Variants in UNC79 observed in about 807,000 individuals in gnomAD.
The protein encoded by UNC79 is unc-79 subunit of NALCN channel complex.
A neutral mutation model predicts 283.1 loss-of-function variants in UNC79; 37 were observed. The ratio of observed to expected loss-of-function variants is 0.13; its 90% confidence interval spans 0.10 to 0.17. The LOEUF (loss-of-function observed/expected upper bound fraction) is 0.17, where lower values mean the gene tolerates loss of function less well. Ranked by LOEUF, UNC79 falls within the 10% of genes least tolerant of loss-of-function variation. The pLI is 1.00. For missense variants in UNC79, 2,272 were observed against 3,211.1 expected (o/e 0.71, Z 7.07); for synonymous variants, 1,107 against 1,200.2 (o/e 0.92, Z 1.61).
In UNC79 at chr14:93,505,777, A is replaced by G. The variant is rs1157399979; in HGVS notation, c.898+8491A>G. Reference sequence around the variant, plus strand: ...ACTAAGTATATTTAAATATTTCATCACCCCATCTTTGGCTTTGTAAGTTAT... The same window carrying G: ...ACTAAGTATATTTAAATATTTCATCGCCCCATCTTTGGCTTTGTAAGTTAT... On this transcript the variant is annotated intron_variant, in intron 7 of 48. Transcript: ENST00000555664. Among the ~76,000 whole-genome samples the G allele has an allele frequency of 2.0e-5, 3 of 148,336 alleles. No individual in the cohort carries two copies. The East Asian group carries it at 5.9e-4, about 29-fold the overall frequency.
At chr14:93,350,651 G>C (rs933407458) in intron 1 of UNC79, among the ~76,000 whole-genome samples, 2 of 152,108 alleles carry the variant, frequency 1.3e-5, no homozygotes, top group South Asian at 2.1e-4. Flanking sequence ...TTTGCTTTTA[G>C]GGAAATTACA....
chr14:93,510,680 T>G (rs1460389172), intron 7 of UNC79, among the ~76,000 whole-genome samples: 3 of 152,306 alleles, frequency 2.0e-5, no homozygotes, highest in South Asian at 2.1e-4. Flanking sequence ...GTTCCTCATC[T>G]CCATCGGAGA....
intron 1 of UNC79, among the ~76,000 whole-genome samples, chr14:93,391,312 A>T (rs2140007564): frequency 6.6e-6 from 1 of 152,360 alleles, no homozygotes; most frequent in Middle Eastern, 3.4e-3. Context: ...TTTATCTCAT[A>T]TCACAGCCAG....
chr14:93,667,209 AAAGG>A (rs1347118360), intron 40 of UNC79, among the ~76,000 whole-genome samples: 5 of 149,328 alleles, frequency 3.3e-5, no homozygotes, highest in African/African-American at 1.3e-4. Context: ...AAGGAAGGAC[AAAGG>A]AAGGAACAAA....
chr14:93,515,264 A>ATGTGTGTGTGTGTG (rs3060596), intron 7 of UNC79, among the ~76,000 whole-genome samples: 1 of 149,660 alleles, frequency 6.7e-6, no homozygotes, highest in East Asian at 2.0e-4. Context: ...CCATATGTAT[A>ATGTGTGTGTGTGTG]TGTGTGTGTG....
At chr14:93,650,225 G>A (rs992179277) in intron 35 of UNC79, among the ~76,000 whole-genome samples, 2 of 152,008 alleles carry the variant, frequency 1.3e-5, no homozygotes, top group African/African-American at 4.8e-5. Context: ...GGACTTCTAG[G>A]TTTTTTCAGT....
chr14:93,487,472 C>T (rs139539476), intron 4 of UNC79, among the ~76,000 whole-genome samples, 191 bp from the exon 5 acceptor site: 74 of 152,246 alleles, frequency 4.9e-4, no homozygotes, highest in African/African-American at 1.6e-3. Context: ...ACTCAATTTT[C>T]CTATGGAGAT....
chr14:93,604,387 A>G (rs1391445505), intron 26 of UNC79, among the ~76,000 whole-genome samples: 1 of 152,212 alleles, frequency 6.6e-6, no homozygotes, highest in Non-Finnish European at 1.5e-5. Flanking sequence ...CTATTTTATG[A>G]CAAGCTATGG....
At chr14:93,481,982 G>A (rs1203027070) in intron 4 of UNC79, among the ~76,000 whole-genome samples, 1 of 152,160 alleles carries the variant, frequency 6.6e-6, no homozygotes, top group Non-Finnish European at 1.5e-5. Context: ...TTCCTTAGCT[G>A]TAAAATGGTG....
chr14:93,467,103 C>T (rs2057224798), intron 1 of UNC79, among the ~76,000 whole-genome samples: 1 of 152,170 alleles, frequency 6.6e-6, no homozygotes, highest in Non-Finnish European at 1.5e-5. Flanking sequence ...CTACTCTTAA[C>T]ATATTCTCAC....
chr14:93,602,806 A>G (rs553960363), intron 25 of UNC79, among the ~76,000 whole-genome samples: 41 of 152,096 alleles, frequency 2.7e-4, no homozygotes, highest in Non-Finnish European at 4.9e-4. Context: ...ATACCTGGCT[A>G]ATTTTTCCTT....
chr14:93,606,359 C>T (rs1020231956), intron 26 of UNC79, among the ~76,000 whole-genome samples: 1 of 152,292 alleles, frequency 6.6e-6, no homozygotes, highest in South Asian at 2.1e-4. Flanking sequence ...TTACATGACA[C>T]CATCATAAGC....
At chr14:93,408,104 A>G (rs1222447111) in intron 1 of UNC79, among the ~76,000 whole-genome samples, 1 of 152,254 alleles carries the variant, frequency 6.6e-6, no homozygotes, top group African/African-American at 2.4e-5. Flanking sequence ...ACAGTCTGAA[A>G]AGACAAAGCA....
At chr14:93,653,623 A>G (rs2070563415) in intron 35 of UNC79, 119 bp from the exon 39 acceptor site, 6 of 856,612 alleles carry the variant, frequency 7.0e-6, no homozygotes, top group Non-Finnish European at 9.4e-6. Context: ...ACTGATGAAC[A>G]TGACAGTGAG....
chr14:93,613,500 C>T (rs567118342), intron 27 of UNC79, among the ~76,000 whole-genome samples: 10 of 151,754 alleles, frequency 6.6e-5, no homozygotes, highest in South Asian at 2.1e-4. Flanking sequence ...GCTGCAAGTC[C>T]GCTTCCCGGG....
chr14:93,630,193 A>G (rs930056492), intron 30 of UNC79, among the ~76,000 whole-genome samples: 1 of 152,246 alleles, frequency 6.6e-6, no homozygotes, highest in Non-Finnish European at 1.5e-5. Context: ...CATGCTCCTA[A>G]ATCACTTAAG....
At chr14:93,359,453 C>T (rs925689019) in intron 1 of UNC79, among the ~76,000 whole-genome samples, 1 of 152,294 alleles carries the variant, frequency 6.6e-6, no homozygotes, top group African/African-American at 2.4e-5. Context: ...TGCAGTCACT[C>T]AACTACAGAA....
At chr14:93,418,223 G>A (rs1022066682) in intron 1 of UNC79, among the ~76,000 whole-genome samples, 16 of 151,742 alleles carry the variant, frequency 1.1e-4, no homozygotes, top group Non-Finnish European at 1.8e-4. Context: ...CTGTTTGTTA[G>A]TTTTCCTTCT....
chr14:93,392,471 G>A (rs1244034136), intron 1 of UNC79, among the ~76,000 whole-genome samples: 1 of 152,138 alleles, frequency 6.6e-6, no homozygotes, highest in Non-Finnish European at 1.5e-5. Context: ...TTAATTATAT[G>A]TTATATATGG....
Sources: gnomAD v4.1 joint callset for allele counts (sites outside exome capture counted in the v4.1 genomes callset) on GRCh38, gnomAD v4.1.1 for gene constraint, MANE v1.5 for transcripts, NCBI Gene and HGNC (gene_info 2026-07-23, HGNC 2026-07-21) for gene names.